Variants in METAP1 observed in about 807,000 individuals in gnomAD.
The protein encoded by METAP1 is methionyl aminopeptidase 1.
In METAP1, 28 loss-of-function variants were observed where a neutral mutation model predicts 53.8. The observed-to-expected ratio is 0.52, with a 90% CI of 0.39 to 0.71. The LOEUF is 0.71. Ranked by LOEUF, METAP1 falls within the 30% of genes least tolerant of loss-of-function variation. METAP1 has a pLI of 0.00. For synonymous variants in METAP1, 181 were observed against 165.7 expected, an observed-to-expected ratio of 1.09 and a Z score of -0.71; for missense variants, 389 against 479.8, an observed-to-expected ratio of 0.81 and a Z score of 1.77.
rs1425765429 is a variant in METAP1 at position 99,062,639 on chromosome 4, T to C, written c.*1322T>C. ...GCTTTAAAATATAATAATGTTTTCA[T>C]TACTTTTATTATTTGAATGATTTAG... On this transcript the variant is annotated 3_prime_UTR_variant, in exon 11 of 11. Coordinates refer to ENST00000296411, the MANE Select transcript of METAP1 (RefSeq NM_015143.3). 6.6e-6 allele frequency: 1 copy of C among 152,664 alleles called. No homozygotes were observed. Among genetic ancestry groups the C allele is most frequent in the Non-Finnish European group, 1.5e-5 (1 of 68,040 alleles). 9.5% of individuals were successfully genotyped at this position (152,664 alleles called of 1,614,324 possible). A position where few individuals can be genotyped will look rare whatever the true frequency, so the allele number is the denominator to read the frequency against.
chr4:99,029,010 T>G (rs1724793947), intron 2 of METAP1, 92 bp downstream of exon 2: 1 of 851,054 alleles, frequency 1.2e-6, no homozygotes, highest in African/African-American at 1.7e-5. Flanking sequence ...AAGTGTATAT[T>G]TGAATGTTCT....
chr4:99,013,220 A>T (rs760661444), intron 1 of METAP1, among the ~76,000 whole-genome samples: 1 of 152,156 alleles, frequency 6.6e-6, no homozygotes, highest in African/African-American at 2.4e-5. Context: ...CACATGTAAG[A>T]TTAATTTCAT....
At chr4:99,023,425 A>T (rs1163568379) in intron 1 of METAP1, 2 of 903,092 alleles carry the variant, frequency 2.2e-6, no homozygotes, top group Admixed American at 6.2e-5. Context: ...TATATATGTT[A>T]TATCTTGATA....
At chr4:99,037,380 A>C (rs1385254061) in intron 4 of METAP1, among the ~76,000 whole-genome samples, 2 of 151,914 alleles carry the variant, frequency 1.3e-5, no homozygotes, top group Non-Finnish European at 2.9e-5. Flanking sequence ...TTTTTGGTGC[A>C]GAAGTTATAA....
At chr4:99,009,697 C>T (rs1232159398) in intron 1 of METAP1, among the ~76,000 whole-genome samples, 1 of 152,006 alleles carries the variant, frequency 6.6e-6, no homozygotes, top group African/African-American at 2.4e-5. Context: ...AAGTCTTTTG[C>T]CCATTTTAAA....
At chr4:99,002,817 G>A (rs945790690) in intron 1 of METAP1, among the ~76,000 whole-genome samples, 11 of 152,212 alleles carry the variant, frequency 7.2e-5, no homozygotes, top group Non-Finnish European at 1.3e-4. Flanking sequence ...GCTTATGCCT[G>A]TAATCCCAGC....
Position 98,995,791 on chromosome 4 carries a change from G to A in METAP1, c.38G>A (p.Gly13Asp). The A allele has an allele frequency of 1.3e-6, 2 of 1,546,540 alleles. No homozygotes were observed. Among genetic ancestry groups the A allele is most frequent in the Non-Finnish European group, 1.7e-6 (2 of 1,144,714 alleles). Residue 13 changes from glycine to aspartate, a missense_variant, in exon 1 of 11, where the codon GGC becomes GAC. Coordinates refer to ENST00000296411, the MANE Select transcript of METAP1 (RefSeq NM_015143.3). ...AVETRVCETD[G>D]CSSEAKLQCP... ...GAGACGCGGGTGTGCGAGACAGACG[G>A]CTGCAGCAGTGAGGCCAAGCTCCAG...
At chr4:99,023,126 C>G in intron 1 of METAP1, 1 of 927,484 alleles carries the variant, frequency 1.1e-6, no homozygotes, top group East Asian at 3.3e-5. Flanking sequence ...ATTCCTCTGC[C>G]TCCGTGTTGA....
intron 1 of METAP1, among the ~76,000 whole-genome samples, chr4:99,016,182 A>G (rs1723754652): frequency 6.6e-6 from 1 of 152,210 alleles, no homozygotes; most frequent in Non-Finnish European, 1.5e-5. Flanking sequence ...GAGAGTCCAA[A>G]TATGTTATTT....
intron 4 of METAP1, chr4:99,037,780 A>G (rs1455002795): frequency 1.3e-5 from 2 of 151,814 alleles, no homozygotes; most frequent in Non-Finnish European, 1.5e-5. Context: ...TTTCCTGGCT[A>G]TTCTTGCATG....
chr4:99,033,814 AATTT>A (rs1725232497), intron 2 of METAP1, among the ~76,000 whole-genome samples: 1 of 152,336 alleles, frequency 6.6e-6, no homozygotes, highest in Middle Eastern at 3.4e-3. Flanking sequence ...GTAAGAACAT[AATTT>A]ATTTGTAACA....
intron 1 of METAP1, 101 bp downstream of exon 1, chr4:98,995,968 C>T (rs1370596824): frequency 1.5e-5 from 14 of 908,318 alleles, no homozygotes; most frequent in Non-Finnish European, 2.2e-5. Context: ...GGGACGCGCT[C>T]CTCCTCTTCC....
Position 99,028,896 on chromosome 4 carries a change from C to T in METAP1, c.144C>T (p.His48=), listed in dbSNP as rs1255494333. Residue 48 remains histidine, a synonymous_variant, in exon 2 of 11, where the codon CAC becomes CAT. Transcript: ENST00000296411. ...GTTTTAAAGGAAGTTGGGCTACTCACAAGTTACTACATAAGAAAGCAAGTA... is the reference window on the plus strand; with the variant it reads ...GTTTTAAAGGAAGTTGGGCTACTCATAAGTTACTACATAAGAAAGCAAGTA... ...QECFKGSWAT[H]KLLHKKAKDE... is the part of the protein sequence containing the mutation. 6.5e-7 allele frequency: 1 copy of T among 1,545,882 alleles called. No homozygotes were observed. Among genetic ancestry groups the T allele is most frequent in the African/African-American group, 1.4e-5 (1 of 73,020 alleles).
At chr4:98,999,233 G>A (rs1374821174) in intron 1 of METAP1, among the ~76,000 whole-genome samples, 1 of 152,072 alleles carries the variant, frequency 6.6e-6, no homozygotes, top group Non-Finnish European at 1.5e-5. Flanking sequence ...TTGAATTAAT[G>A]GATAAATGCA....
intron 4 of METAP1, among the ~76,000 whole-genome samples, chr4:99,037,414 T>C (rs80313757): frequency 0.037 from 5,628 of 152,080 alleles, 133 homozygotes; most frequent in African/African-American, 0.058. Context: ...TGTTTTCTTC[T>C]AGCATTTTTA....
intron 1 of METAP1, among the ~76,000 whole-genome samples, chr4:99,009,118 G>C (rs935442340): frequency 5.9e-5 from 9 of 152,184 alleles, no homozygotes; most frequent in Admixed American, 5.9e-4. Context: ...ATATAAGTCA[G>C]ATTACACAAT....
chr4:99,026,904 T>C, intron 1 of METAP1: 1 of 940,376 alleles, frequency 1.1e-6, no homozygotes, highest in East Asian at 1.2e-4. Flanking sequence ...GGTTACTTTA[T>C]GCTCATATAT....
intron 1 of METAP1, chr4:99,026,200 T>A: frequency 1.0e-6 from 1 of 984,294 alleles, no homozygotes; most frequent in Non-Finnish European, 1.2e-6. Context: ...TTTGGGTTCA[T>A]AAGCTCCTAA....
chr4:99,054,219 A>G (rs1339504150), intron 9 of METAP1, among the ~76,000 whole-genome samples: 1 of 152,002 alleles, frequency 6.6e-6, no homozygotes, highest in Non-Finnish European at 1.5e-5. Context: ...TAGTATAGCC[A>G]CCTTCATCAA....
Sources: gnomAD v4.1 joint callset for allele counts (sites outside exome capture counted in the v4.1 genomes callset) on GRCh38, gnomAD v4.1.1 for gene constraint, MANE v1.5 for transcripts, NCBI Gene and HGNC (gene_info 2026-07-23, HGNC 2026-07-21) for gene names.